The following GTF2F2 variants were observed in gnomAD, a reference collection of about 807,000 sequenced individuals.
GTF2F2 encodes the protein ATP-dependent helicase GTF2F2.
GTF2F2 carries 23 observed loss-of-function variants against 42.2 expected under a neutral mutation model. That is an observed-to-expected ratio of 0.55 (90% CI 0.39 to 0.77). The LOEUF is 0.77. GTF2F2 is among the 30% of genes least tolerant of loss of function. GTF2F2 has a pLI of 0.00. For missense variants in GTF2F2, 261 were observed against 287.2 expected, an observed-to-expected ratio of 0.91 and a Z score of 0.66; for synonymous variants, 105 against 100.8, an observed-to-expected ratio of 1.04 and a Z score of -0.25.
chr13:45,133,680 T>A (rs1234241648), intron 1 of GTF2F2, among the ~76,000 whole-genome samples: 1 of 152,204 alleles, frequency 6.6e-6, no homozygotes, highest in Non-Finnish European at 1.5e-5. Context: ...ATAATGGACA[T>A]CTGGGCTGCA....
chr13:45,243,683 C>T (rs1056067975), intron 5 of GTF2F2, among the ~76,000 whole-genome samples: 9 of 151,952 alleles, frequency 5.9e-5, no homozygotes, highest in East Asian at 3.9e-4. Context: ...TTTTTTGAGA[C>T]GGAGTCTCGC....
intron 2 of GTF2F2, among the ~76,000 whole-genome samples, chr13:45,148,648 T>G (rs1455773240): frequency 2.6e-5 from 4 of 152,176 alleles, no homozygotes; most frequent in Non-Finnish European, 4.4e-5. Context: ...ACATTAAAAT[T>G]TATCTTATTT....
At chr13:45,214,309 G>A (rs1157852722) in intron 5 of GTF2F2, among the ~76,000 whole-genome samples, 1 of 152,050 alleles carries the variant, frequency 6.6e-6, no homozygotes, top group Admixed American at 6.6e-5. Context: ...TTTAGATAAA[G>A]GTGGAAATTA....
chr13:45,242,836 G>A (rs1397367362), intron 5 of GTF2F2, among the ~76,000 whole-genome samples: 1 of 152,136 alleles, frequency 6.6e-6, no homozygotes, highest in African/African-American at 2.4e-5. Context: ...TGAGATAAAT[G>A]GAGGATTTAT....
At chr13:45,171,777 A>C (rs886249995) in intron 4 of GTF2F2, among the ~76,000 whole-genome samples, 1 of 151,508 alleles carries the variant, frequency 6.6e-6, no homozygotes, top group Non-Finnish European at 1.5e-5. Context: ...CCAACCTCCC[A>C]CGCCATAGTC....
At chr13:45,260,956 T>C (rs1376275728) in intron 6 of GTF2F2, among the ~76,000 whole-genome samples, 2 of 152,056 alleles carry the variant, frequency 1.3e-5, no homozygotes, top group Admixed American at 1.3e-4. Context: ...TGAAACCCTG[T>C]CTCTAATAAA....
Position 45,253,312 on chromosome 13 carries a change from A to G in GTF2F2, c.486+342A>G, listed in dbSNP as rs926606308. On this transcript the variant is annotated intron_variant, in intron 6 of 7. Transcript: ENST00000340473. ...GTACTAACTAAATATTAGTTTTACT[A>G]TTTTTAAAAATTATTCTATACCTTT... 2.2e-4 allele frequency among the ~76,000 whole-genome samples: 33 copies of G among 152,296 alleles called. 1 individual carries two copies. Among genetic ancestry groups the G allele is most frequent in the African/African-American group, 7.0e-4 (29 of 41,572 alleles).
chr13:45,275,243 A>G (rs1876981773), intron 7 of GTF2F2, among the ~76,000 whole-genome samples: 1 of 152,170 alleles, frequency 6.6e-6, no homozygotes, highest in Non-Finnish European at 1.5e-5. Flanking sequence ...GATTGGCTCC[A>G]GGACCTTCTG....
intron 4 of GTF2F2, among the ~76,000 whole-genome samples, chr13:45,186,707 TAGA>T (rs1386937134): frequency 6.6e-6 from 1 of 152,242 alleles, no homozygotes; most frequent in African/African-American, 2.4e-5. Flanking sequence ...CAGTAAGTGA[TAGA>T]AGATAAATCA....
At chr13:45,148,819 C>A (rs1007801707) in intron 2 of GTF2F2, among the ~76,000 whole-genome samples, 5 of 152,010 alleles carry the variant, frequency 3.3e-5, no homozygotes, top group East Asian at 3.9e-4. Flanking sequence ...AATTTAAAAA[C>A]GTAATTCAAA....
chr13:45,159,797 G>A (rs1003517818), intron 4 of GTF2F2, among the ~76,000 whole-genome samples: 1 of 152,170 alleles, frequency 6.6e-6, no homozygotes, highest in Non-Finnish European at 1.5e-5. Context: ...AAGTTGGATT[G>A]TTGGGTGCTA....
chr13:45,207,601 G>A, intron 5 of GTF2F2, 96 bp downstream of exon 5: 3 of 739,532 alleles, frequency 4.1e-6, no homozygotes, highest in Non-Finnish European at 7.0e-6. Flanking sequence ...TAAAACTGTG[G>A]TTATTGTTGA....
intron 5 of GTF2F2, among the ~76,000 whole-genome samples, chr13:45,240,093 G>T (rs1253598769): frequency 4.4e-5 from 6 of 136,834 alleles, no homozygotes. Flanking sequence ...TCTGTATTAT[G>T]TAGAGGGATT....
intron 6 of GTF2F2, among the ~76,000 whole-genome samples, chr13:45,253,808 G>A (rs1409726056): frequency 6.6e-6 from 1 of 152,194 alleles, no homozygotes; most frequent in African/African-American, 2.4e-5. Context: ...GGGCGCGGTG[G>A]CTCACGCCTG....
chr13:45,176,278 G>T (rs528446076), intron 4 of GTF2F2, among the ~76,000 whole-genome samples: 27 of 152,236 alleles, frequency 1.8e-4, no homozygotes, highest in African/African-American at 6.3e-4. Flanking sequence ...AGTAGTGTAT[G>T]TAAGTTCTTT....
chr13:45,177,563 G>A (rs1871942899), intron 4 of GTF2F2, among the ~76,000 whole-genome samples: 1 of 152,042 alleles, frequency 6.6e-6, no homozygotes, highest in African/African-American at 2.4e-5. Flanking sequence ...AACTGTCTTG[G>A]TTATCAGACA....
intron 4 of GTF2F2, among the ~76,000 whole-genome samples, chr13:45,176,198 T>G (rs1871869294): frequency 6.6e-6 from 1 of 152,242 alleles, no homozygotes; most frequent in Non-Finnish European, 1.5e-5. Context: ...ACAGGATACA[T>G]ATATCTTCAA....
chr13:45,213,300 C>A (rs1873768678), intron 5 of GTF2F2, among the ~76,000 whole-genome samples: 1 of 152,034 alleles, frequency 6.6e-6, no homozygotes, highest in African/African-American at 2.4e-5. Context: ...AGGATGATCT[C>A]AATCACCTGA....
chr13:45,272,342 G>A (rs1442503812), intron 7 of GTF2F2, among the ~76,000 whole-genome samples: 1 of 147,826 alleles, frequency 6.8e-6, no homozygotes, highest in Non-Finnish European at 1.5e-5. Flanking sequence ...CTAATAGAAG[G>A]ACCAATGATC....
Sources: allele counts gnomAD v4.1 joint callset (sites outside exome capture counted in the v4.1 genomes callset), GRCh38; gene constraint gnomAD v4.1.1; transcripts MANE v1.5; gene names NCBI Gene and HGNC (gene_info 2026-07-23, HGNC 2026-07-21).